The following IGSF21 variants were observed in gnomAD, a reference collection of about 807,000 sequenced individuals.
IGSF21 encodes immunoglobin superfamily member 21.
IGSF21 carries 28 observed loss-of-function variants against 46.8 expected under a neutral mutation model. That is an observed-to-expected ratio of 0.60 (90% confidence interval 0.44 to 0.82). The LOEUF is 0.82. Ranked by LOEUF, IGSF21 falls within the 40% of genes least tolerant of loss-of-function variation. The probability of loss-of-function intolerance (pLI) is 0.00; values close to 1 mark genes in which losing one functional copy is unlikely to be tolerated. For missense variants in IGSF21, 624 were observed against 665.5 expected, an observed-to-expected ratio of 0.94 and a Z score of 0.69; for synonymous variants, 284 against 273.6, an observed-to-expected ratio of 1.04 and a Z score of -0.38.
At chr1:18,133,179 A>C (rs2086337598) in intron 1 of IGSF21, among the ~76,000 whole-genome samples, 1 of 152,330 alleles carries the variant, frequency 6.6e-6, no homozygotes, top group Middle Eastern at 3.4e-3. Flanking sequence ...TTTGGCTTCA[A>C]GATACCCATG....
At chr1:18,259,203 T>C (rs888978569) in intron 2 of IGSF21, among the ~76,000 whole-genome samples, 1 of 152,294 alleles carries the variant, frequency 6.6e-6, no homozygotes, top group Non-Finnish European at 1.5e-5. Flanking sequence ...AGTGGAACTT[T>C]GGGGCCAGGC....
chr1:18,203,734 C>T (rs1008659866), intron 1 of IGSF21, among the ~76,000 whole-genome samples: 3 of 152,080 alleles, frequency 2.0e-5, no homozygotes, highest in Non-Finnish European at 2.9e-5. Flanking sequence ...GGGGTGGGGG[C>T]GAGGGTGGTC....
intron 4 of IGSF21, among the ~76,000 whole-genome samples, chr1:18,348,902 G>A (rs2085922601): frequency 6.6e-6 from 1 of 152,176 alleles, no homozygotes; most frequent in Non-Finnish European, 1.5e-5. Flanking sequence ...AGAAGCTCAT[G>A]TGCTGTAGAG....
At chr1:18,328,498 C>T (rs1007373634) in intron 3 of IGSF21, among the ~76,000 whole-genome samples, 1 of 152,162 alleles carries the variant, frequency 6.6e-6, no homozygotes, top group Non-Finnish European at 1.5e-5. Context: ...GAGTCGGGGA[C>T]CTTCTGTATT....
At chr1:18,108,500 G>A (rs1043714787) in intron 1 of IGSF21, among the ~76,000 whole-genome samples, 3 of 151,970 alleles carry the variant, frequency 2.0e-5, no homozygotes, top group African/African-American at 7.2e-5. Flanking sequence ...AGAGATGCAA[G>A]TGTGTGTGTG....
chr1:18,171,624 T>C (rs1319105933), intron 1 of IGSF21, among the ~76,000 whole-genome samples: 2 of 152,222 alleles, frequency 1.3e-5, no homozygotes, highest in Non-Finnish European at 2.9e-5. Flanking sequence ...GCTAGAGTTG[T>C]CATGCAGAAC....
chr1:18,185,934 G>A (rs2086899006), intron 1 of IGSF21, among the ~76,000 whole-genome samples: 2 of 152,186 alleles, frequency 1.3e-5, no homozygotes, highest in Non-Finnish European at 2.9e-5. Context: ...AGGTGCACTG[G>A]TCCTTGTCTC....
chr1:18,358,487 C>T (rs1446309714), intron 4 of IGSF21, among the ~76,000 whole-genome samples: 2 of 152,210 alleles, frequency 1.3e-5, no homozygotes, highest in Non-Finnish European at 2.9e-5. Context: ...ATTTCAGGTG[C>T]TCCCCAGCCA....
In IGSF21 at chr1:18,291,416, T is replaced by C. The variant is rs558155290; in HGVS notation, c.184-450T>C. 8.5e-5 allele frequency among the ~76,000 whole-genome samples: 13 copies of C among 152,334 alleles called. No homozygotes were observed. In the East Asian group the frequency reaches 2.5e-3, roughly 29 times the overall value. On this transcript the variant is annotated intron_variant, in intron 2 of 9. Coordinates refer to ENST00000251296, the MANE Select transcript of IGSF21 (RefSeq NM_032880.5). ...CCCCTTTCGATTCATCCTCAATCTA[T>C]AGCCAGAGGAGCTTGTAAATCTAAT...
At chr1:18,213,344 T>A (rs1052137860) in intron 1 of IGSF21, among the ~76,000 whole-genome samples, 2 of 152,136 alleles carry the variant, frequency 1.3e-5, no homozygotes, top group Non-Finnish European at 2.9e-5. Flanking sequence ...CACAGTGGTA[T>A]TTTATATCTT....
intron 3 of IGSF21, among the ~76,000 whole-genome samples, chr1:18,304,278 G>A (rs1326172165): frequency 6.6e-6 from 1 of 152,212 alleles, no homozygotes; most frequent in Non-Finnish European, 1.5e-5. Context: ...GATTAGACAT[G>A]TCTGTTAGAT....
intron 4 of IGSF21, among the ~76,000 whole-genome samples, chr1:18,359,174 C>T (rs61760831): frequency 0.21 from 30,781 of 148,748 alleles, 3,867 homozygotes; most frequent in Non-Finnish European, 0.26. Flanking sequence ...CTTGAGAGGC[C>T]GAGGCAGGAC....
intron 2 of IGSF21, among the ~76,000 whole-genome samples, chr1:18,253,874 A>G (rs1248075960): frequency 6.6e-6 from 1 of 152,200 alleles, no homozygotes; most frequent in Non-Finnish European, 1.5e-5. Flanking sequence ...GCAGATTTTA[A>G]GCTGGGCTTT....
chr1:18,189,617 A>C (rs1384631898), intron 1 of IGSF21, among the ~76,000 whole-genome samples: 2 of 151,796 alleles, frequency 1.3e-5, no homozygotes, highest in Non-Finnish European at 2.9e-5. Context: ...AGACAGTGAC[A>C]GATCATCAGG....
intron 1 of IGSF21, chr1:18,112,446 G>A (rs1050621407): frequency 6.6e-6 from 1 of 152,176 alleles, no homozygotes; most frequent in Non-Finnish European, 1.5e-5. Flanking sequence ...CACGCCATGT[G>A]CTTTATCTTT....
intron 3 of IGSF21, among the ~76,000 whole-genome samples, chr1:18,308,851 G>A (rs1000214372): frequency 1.3e-5 from 2 of 152,178 alleles, no homozygotes; most frequent in African/African-American, 2.4e-5. Context: ...GCCTGCAGAA[G>A]AGACCCTGGA....
intron 1 of IGSF21, among the ~76,000 whole-genome samples, chr1:18,180,551 A>C (rs2086847511): frequency 6.6e-6 from 1 of 152,174 alleles, no homozygotes; most frequent in Admixed American, 6.5e-5. Flanking sequence ...TGAGCAAAAA[A>C]GTGGTTTGGA....
chr1:18,181,232 G>A (rs368878474), intron 1 of IGSF21, among the ~76,000 whole-genome samples: 1 of 152,310 alleles, frequency 6.6e-6, no homozygotes, highest in South Asian at 2.1e-4. Context: ...TCATATCTCC[G>A]AAGCCCCATC....
chr1:18,278,983 A>G (rs937921029), intron 2 of IGSF21: 10 of 463,866 alleles, frequency 2.2e-5, no homozygotes, highest in African/African-American at 4.0e-5. Flanking sequence ...ACATGAAGCT[A>G]TAGAACTAAG....
Sources: allele counts gnomAD v4.1 joint callset (sites outside exome capture counted in the v4.1 genomes callset), GRCh38; gene constraint gnomAD v4.1.1; transcripts MANE v1.5; gene names NCBI Gene and HGNC (gene_info 2026-07-23, HGNC 2026-07-21).